Variants in C19orf44 observed in about 807,000 individuals in gnomAD.
C19orf44 encodes the protein chromosome 19 open reading frame 44.
A neutral mutation model predicts 50.7 loss-of-function variants in C19orf44; 43 were observed. The observed-to-expected ratio is 0.85, with a 90% CI of 0.66 to 1.09. C19orf44 has a LOEUF of 1.09. Among genes scored for constraint, C19orf44 ranks in the 50% least tolerant of loss-of-function variants. The probability of loss-of-function intolerance (pLI) is 0.00; values close to 1 mark genes in which losing one functional copy is unlikely to be tolerated. For synonymous variants in C19orf44, 298 were observed against 334.7 expected (o/e 0.89, Z 1.20); for missense variants, 722 against 836.2 (o/e 0.86, Z 1.68).
At chr19:16,498,388 A>C (rs2093415867) in intron 1 of C19orf44, among the ~76,000 whole-genome samples, 1 of 152,092 alleles carries the variant, frequency 6.6e-6, no homozygotes, top group South Asian at 2.1e-4. Context: ...GGCTCAAGCA[A>C]TCCTCCCACC....
chr19:16,503,433 A>G (rs1432867235), intron 3 of C19orf44, 53 bp downstream of exon 3: 6 of 1,544,626 alleles, frequency 3.9e-6, no homozygotes, highest in Non-Finnish European at 5.3e-6. Context: ...GGGTGGGGCC[A>G]CCTTTAGAGT....
chr19:16,509,415 C>G, intron 4 of C19orf44, 84 bp from the exon 5 acceptor site: 1 of 1,499,560 alleles, frequency 6.7e-7, no homozygotes, highest in Middle Eastern at 2.2e-4. Flanking sequence ...TGCTGCAGGT[C>G]CCCAGCTCCT....
chr19:16,515,316 G>A lies in C19orf44; in HGVS notation c.1902+653G>A, dbSNP rs150247697. 2.5e-3 allele frequency among the ~76,000 whole-genome samples: 377 copies of A among 152,284 alleles called. 2 individuals are homozygous for A. Among genetic ancestry groups the A allele is most frequent in the African/African-American group, 8.2e-3 (340 of 41,544 alleles). The stretch of plus-strand genomic sequence containing the variant: ...GTGGAGGTTGTAGTGAGCTGAGATC[G>A]TGCCACTGCACTCCAGCTCGGGTGA... On this transcript the variant is annotated intron_variant, in intron 7 of 8. Transcript: ENST00000221671.
At chr19:16,499,124 T>C (rs1050058181) in intron 1 of C19orf44, among the ~76,000 whole-genome samples, 1 of 152,178 alleles carries the variant, frequency 6.6e-6, no homozygotes, top group African/African-American at 2.4e-5. Flanking sequence ...CCAGGAAGTC[T>C]GCATTATTTC....
chr19:16,504,902 T>C (rs1338222267), intron 3 of C19orf44, among the ~76,000 whole-genome samples: 6 of 150,592 alleles, frequency 4.0e-5, no homozygotes, highest in Non-Finnish European at 7.4e-5. Flanking sequence ...CACTGTAACC[T>C]CCGCCTCCTG....
Position 16,501,177 on chromosome 19 carries a change from A to G in C19orf44, c.385A>G (p.Lys129Glu), listed in dbSNP as rs2093424289. Residue 129 changes from lysine (K) to glutamate (E), a missense_variant, in exon 2 of 9, where the codon AAG becomes GAG. By Grantham distance (56) the Lys-to-Glu change is moderately conservative. Transcript: ENST00000221671. ...DSMTADAGLPKRADRILSGGA... is the reference protein window; with the variant it reads ...DSMTADAGLPERADRILSGGA... ...AATGACCGCCGATGCTGGTCTTCCA[A>G]AGAGAGCTGACAGAATCCTCTCTGG... 6.2e-7 allele frequency: 1 copy of G among 1,614,164 alleles called. No individual in the cohort carries two copies. Among genetic ancestry groups the G allele is most frequent in the Non-Finnish European group, 8.5e-7 (1 of 1,180,034 alleles).
At chr19:16,508,782 C>A (rs2093447652) in intron 4 of C19orf44, among the ~76,000 whole-genome samples, 1 of 151,652 alleles carries the variant, frequency 6.6e-6, no homozygotes, top group Non-Finnish European at 1.5e-5. Flanking sequence ...CTCAAAGGAT[C>A]CTGCCGCCTC....
At position 16,503,077 on chromosome 19, in the gene C19orf44, C is replaced by T; in HGVS notation, c.772C>T (p.Leu258=). The change falls in exon 3 of 9, where the codon CTG becomes TTG. Residue 258 remains leucine, a synonymous_variant. Coordinates refer to ENST00000221671, the MANE Select transcript of C19orf44 (RefSeq NM_032207.4). ...ERKLFSVPSQ[L]RAFTVPSVEL... Reference sequence around the variant, plus strand: ...TGTTTTATATCAGGTCCCATCTCAACTGAGAGCATTTACTGTACCCAGCGT... The same window carrying T: ...TGTTTTATATCAGGTCCCATCTCAATTGAGAGCATTTACTGTACCCAGCGT... 6.2e-7 allele frequency: 1 copy of T among 1,612,536 alleles called. No individual in the cohort carries two copies. Among genetic ancestry groups the T allele is most frequent in the Non-Finnish European group, 8.5e-7 (1 of 1,178,854 alleles).
rs1384430179 is a variant in C19orf44 at position 16,520,630 on chromosome 19, C to G, written c.*577C>G. 1 of 1,257,740 alleles carries G rather than the reference C, an allele frequency of 8.0e-7. No individual in the cohort carries two copies. Among genetic ancestry groups the G allele is most frequent in the Non-Finnish European group, 1.1e-6 (1 of 891,122 alleles). The allele number at this position is 1,257,740 out of a possible 1,614,324, so 77.9% of individuals were successfully genotyped here. Reference sequence around the variant, plus strand: ...TCTGGCTGTGGATGTGGCGCCATAGCCACAGCAACGGTACCAAGTTCCTAA... The same window carrying G: ...TCTGGCTGTGGATGTGGCGCCATAGGCACAGCAACGGTACCAAGTTCCTAA... On this transcript the variant is annotated 3_prime_UTR_variant, in exon 9 of 9. Transcript: ENST00000221671. The surrounding 1 kb of genome is among the most constrained non-coding windows in gnomAD (Gnocchi z 4.0).
In C19orf44 at chr19:16,520,395, A is replaced by G; in HGVS notation, c.*342A>G. The stretch of plus-strand genomic sequence containing the variant: ...CTGGAGCGGGAGTAGGAACGGGAGC[A>G]GGAGCGCGACCTTGACCTTGAGTAC... On this transcript the variant is annotated 3_prime_UTR_variant, in exon 9 of 9. Transcript: ENST00000221671. This position sits in a 1 kb window ranked among gnomAD's most constrained non-coding sequence, Gnocchi z 4.0. 1.2e-6 allele frequency: 2 copies of G among 1,614,102 alleles called. No homozygotes were observed. Among genetic ancestry groups the G allele is most frequent in the Non-Finnish European group, 1.7e-6 (2 of 1,179,982 alleles).
At chr19:16,518,461 T>C (rs914566719) in intron 8 of C19orf44, 3 of 152,100 alleles carry the variant, frequency 2.0e-5, no homozygotes, top group Non-Finnish European at 4.4e-5. Context: ...AAAAAAAATA[T>C]CAACTTATAC....
chr19:16,519,515 G>T lies in C19orf44; in HGVS notation c.*41-579G>T, dbSNP rs1321347483. 3 of 1,283,768 alleles carry T rather than the reference G, an allele frequency of 2.3e-6. No homozygotes were observed. The highest frequency in any genetic ancestry group is 1.2e-5 in the South Asian group (1 of 81,472). The allele number at this position is 1,283,768 out of a possible 1,614,324, so 79.5% of individuals were successfully genotyped here. ...GTCTGGGTGGAGTCAGAACCGGCCTGACTCCATCCATCCCCACATGCACTG... is the reference window on the plus strand; with the variant it reads ...GTCTGGGTGGAGTCAGAACCGGCCTTACTCCATCCATCCCCACATGCACTG... On this transcript the variant is annotated intron_variant, in intron 8 of 8. Coordinates refer to ENST00000221671, the MANE Select transcript of C19orf44 (RefSeq NM_032207.4). This position sits in a 1 kb window ranked among gnomAD's most constrained non-coding sequence, Gnocchi z 6.0.
At chr19:16,511,886 G>A (rs1033370423) in intron 5 of C19orf44, among the ~76,000 whole-genome samples, 2 of 152,044 alleles carry the variant, frequency 1.3e-5, no homozygotes, top group African/African-American at 2.4e-5. Flanking sequence ...GTGGTGGCAC[G>A]CATCTGTAGT....
At chr19:16,504,317 G>C (rs1216638858) in intron 3 of C19orf44, among the ~76,000 whole-genome samples, 3 of 152,170 alleles carry the variant, frequency 2.0e-5, no homozygotes, top group Non-Finnish European at 4.4e-5. Flanking sequence ...CTAAGGTTCT[G>C]TGGTGCCTTT....
In C19orf44 at chr19:16,506,776, TA is replaced by T; in HGVS notation, c.1149+4del. The T allele has an allele frequency of 6.3e-7, 1 of 1,591,994 alleles. No individual in the cohort carries two copies. The highest frequency in any genetic ancestry group is 8.6e-7 in the Non-Finnish European group (1 of 1,167,814). On this transcript the variant is annotated splice_donor_region_variant and intron_variant, in intron 4 of 8. Coordinates refer to ENST00000221671, the MANE Select transcript of C19orf44 (RefSeq NM_032207.4). Reference sequence around the variant, plus strand: ...GAGAACTCCGATTTGGAACAGGAAGTAAGTACAACAAAGTCATTTTTCATGG... The same window carrying T: ...GAGAACTCCGATTTGGAACAGGAAGTAGTACAACAAAGTCATTTTTCATGG...
intron 5 of C19orf44, 55 bp from the exon 6 acceptor site, chr19:16,512,959 G>C (rs563349682): frequency 1.3e-6 from 2 of 1,510,762 alleles, no homozygotes. Flanking sequence ...CTGTGGACCC[G>C]AAAGTCATTT....
Position 16,519,476 on chromosome 19 carries a change from G to T in C19orf44, c.*41-618G>T. Reference sequence around the variant, plus strand: ...ATGGGTAGAGAGAACCCGCAGGCCGGCCCTGTCTAGAGGGTCTGGGTGGAG... The same window carrying T: ...ATGGGTAGAGAGAACCCGCAGGCCGTCCCTGTCTAGAGGGTCTGGGTGGAG... On this transcript the variant is annotated intron_variant, in intron 8 of 8. Transcript: ENST00000221671. The surrounding 1 kb of genome is among the most constrained non-coding windows in gnomAD (Gnocchi z 6.0). The T allele has an allele frequency of 1.6e-6, 2 of 1,267,098 alleles. No homozygotes were observed. The highest frequency in any genetic ancestry group is 2.2e-6 in the Non-Finnish European group (2 of 895,048). 78.5% of individuals were successfully genotyped at this position (1,267,098 alleles called of 1,614,324 possible).
chr19:16,516,838 T>C (rs1326017651), intron 7 of C19orf44, among the ~76,000 whole-genome samples: 1 of 152,246 alleles, frequency 6.6e-6, no homozygotes, highest in African/African-American at 2.4e-5. Context: ...ATTGCAGCCC[T>C]CTGGGGGCTT....
chr19:16,501,241 C>G lies in C19orf44; in HGVS notation c.449C>G (p.Thr150Ser), dbSNP rs2093424528. 6.2e-7 allele frequency: 1 copy of G among 1,614,198 alleles called. No individual in the cohort carries two copies. Among genetic ancestry groups the G allele is most frequent in the East Asian group, 2.2e-5 (1 of 44,890 alleles). The change falls in exon 2 of 9, where the codon ACT becomes AGT. Residue 150 changes from threonine to serine, a missense_variant. Coordinates refer to ENST00000221671, the MANE Select transcript of C19orf44 (RefSeq NM_032207.4). ...CTCGCGTCCCAGAACACAGACAAAA[C>G]TTCCCAGAATCAAGCCCGTGAACTT... ...LELASQNTDK[T>S]SQNQARELPV...
Sources: gnomAD v4.1 joint callset for allele counts (sites outside exome capture counted in the v4.1 genomes callset) on GRCh38, gnomAD v4.1.1 for gene constraint, Gnocchi (gnomAD v3.1) non-coding constraint, MANE v1.5 for transcripts, NCBI Gene and HGNC (gene_info 2026-07-23, HGNC 2026-07-21) for gene names.